Variants in EXPH5 observed in about 807,000 individuals in gnomAD.
EXPH5 encodes the protein exophilin 5.
In EXPH5, 42 loss-of-function variants were observed where a neutral mutation model predicts 41.1. The observed-to-expected ratio is 1.02, with a 90% CI of 0.80 to 1.32. The LOEUF (loss-of-function observed/expected upper bound fraction) is 1.32, where lower values mean the gene tolerates loss of function less well. Ranked by LOEUF, EXPH5 falls within the 40% of genes most tolerant of loss-of-function variation. EXPH5 has a pLI of 0.00. For missense variants in EXPH5, 2,298 were observed against 2,314.5 expected (o/e 0.99, Z 0.15); for synonymous variants, 798 against 833.5 (o/e 0.96, Z 0.73).
At chr11:108,530,982 G>C (rs891957298) in intron 3 of EXPH5, among the ~76,000 whole-genome samples, 8 of 152,186 alleles carry the variant, frequency 5.3e-5, no homozygotes, top group African/African-American at 1.9e-4. Flanking sequence ...TTTCCACTTA[G>C]AGAGTGAATA....
rs758207352 is a variant in EXPH5 at position 108,518,295 on chromosome 11, C to G, written c.571G>C (p.Glu191Gln). Reference sequence around the variant, plus strand: ...CACGGTGGAGGCATGCCACTCTCCTCCCTCATGACTGCTGGCTTTGGGACA... The same window carrying G: ...CACGGTGGAGGCATGCCACTCTCCTGCCTCATGACTGCTGGCTTTGGGACA... ...TFVPKPAVMR[E>Q]ESGMPPPWDA... The change falls in exon 5 of 6, where the codon GAG (glutamate) becomes CAG (glutamine). Residue 191 changes from glutamate to glutamine, a missense_variant. Coordinates refer to ENST00000265843, the MANE Select transcript of EXPH5 (RefSeq NM_015065.3). 2.5e-6 allele frequency: 4 copies of G among 1,613,854 alleles called. No individual in the cohort carries two copies. The highest frequency in any genetic ancestry group is 2.5e-6 in the Non-Finnish European group (3 of 1,179,784).
In EXPH5 at chr11:108,510,952, G is replaced by A. The variant is rs916651272; in HGVS notation, c.4555C>T (p.Leu1519Phe). ...TCATCTGACTGAGTCTCCTCACCAA[G>A]CTGTAGTTTATGCAATGCTGGAGTA... ...ALTPALHKLQ[L>F]GEETQSDEPN... Residue 1519 changes from leucine to phenylalanine, a missense_variant, in exon 6 of 6, where the codon CTT (leucine) becomes TTT (phenylalanine). Coordinates refer to ENST00000265843, the MANE Select transcript of EXPH5 (RefSeq NM_015065.3). The A allele has an allele frequency of 6.2e-7, 1 of 1,613,964 alleles. No individual in the cohort carries two copies. The highest frequency in any genetic ancestry group is 1.3e-5 in the African/African-American group (1 of 74,932).
chr11:108,528,326 T>G lies in EXPH5; in HGVS notation c.444-142A>C, dbSNP rs1242310234. ...TCACTGTAGAAAGATGTTTCTTCGT[T>G]AGTGCATTATTGAAAAAAATTAGAA... On this transcript the variant is annotated intron_variant, in intron 3 of 5. Transcript: ENST00000265843. 6 of 587,874 alleles carry G rather than the reference T, an allele frequency of 1.0e-5. No individual in the cohort carries two copies. The East Asian group carries it at 1.7e-4, about 17-fold the overall frequency. 36.4% of individuals were successfully genotyped at this position (587,874 alleles called of 1,614,324 possible). A position where few individuals can be genotyped will look rare whatever the true frequency, so the allele number is the denominator to read the frequency against.
At chr11:108,564,671 T>C (rs2094026993) in intron 1 of EXPH5, among the ~76,000 whole-genome samples, 1 of 152,210 alleles carries the variant, frequency 6.6e-6, no homozygotes, top group Admixed American at 6.5e-5. Context: ...ATGAACATGT[T>C]TTAATGACTT....
At chr11:108,567,193 A>G (rs2094038312) in intron 1 of EXPH5, among the ~76,000 whole-genome samples, 1 of 152,248 alleles carries the variant, frequency 6.6e-6, no homozygotes. Context: ...AAATCTGACA[A>G]GCCAGAGTTT....
At chr11:108,521,595 TCAAA>T (rs954928871) in intron 4 of EXPH5, among the ~76,000 whole-genome samples, 2 of 152,186 alleles carry the variant, frequency 1.3e-5, no homozygotes, top group African/African-American at 4.8e-5. Flanking sequence ...TAATAAAACC[TCAAA>T]CTAATCATTT....
the EXPH5 span, among the ~76,000 whole-genome samples, chr11:108,605,524 A>C: frequency 3.9e-5 from 6 of 152,210 alleles, no homozygotes; most frequent in South Asian, 1.2e-3. Flanking sequence ...GGTAGAGGGC[A>C]GAGATGCGGC....
At chr11:108,589,641 C>T (rs750846846) in intron 1 of EXPH5, among the ~76,000 whole-genome samples, 13 of 152,136 alleles carry the variant, frequency 8.5e-5, no homozygotes, top group Non-Finnish European at 1.8e-4. Context: ...CTATCTCTGA[C>T]GTTTATGAGC....
chr11:108,593,780 GGA>G, upstream of EXPH5: 1 of 1,534,200 alleles, frequency 6.5e-7, no homozygotes, highest in Non-Finnish European at 8.7e-7. Context: ...ACGGCTAAAG[GGA>G]GAGAGGGAAC....
chr11:108,519,544 C>T (rs774823543), intron 4 of EXPH5, among the ~76,000 whole-genome samples: 50 of 152,020 alleles, frequency 3.3e-4, no homozygotes, highest in African/African-American at 1.2e-3. Flanking sequence ...GCCAGGAGTT[C>T]GAAACCAGCC....
intron 1 of EXPH5, among the ~76,000 whole-genome samples, chr11:108,572,874 C>G (rs1401259172): frequency 6.6e-6 from 1 of 151,938 alleles, no homozygotes; most frequent in Non-Finnish European, 1.5e-5. Flanking sequence ...TCTAGTAATA[C>G]TGTTAGTCAT....
At chr11:108,547,478 G>A (rs1565814297) in intron 1 of EXPH5, among the ~76,000 whole-genome samples, 1 of 152,110 alleles carries the variant, frequency 6.6e-6, no homozygotes, top group Non-Finnish European at 1.5e-5. Context: ...GCCTCCCAAA[G>A]TGCTGGGATT....
chr11:108,581,815 G>A (rs888375516), intron 1 of EXPH5, among the ~76,000 whole-genome samples: 2 of 151,798 alleles, frequency 1.3e-5, no homozygotes, highest in Non-Finnish European at 2.9e-5. Flanking sequence ...TGAAAGAGGG[G>A]CTATTCCTAC....
chr11:108,589,375 G>T (rs1341720452), intron 1 of EXPH5, among the ~76,000 whole-genome samples: 11 of 152,162 alleles, frequency 7.2e-5, no homozygotes, highest in East Asian at 1.9e-4. Flanking sequence ...TTTAACCTCT[G>T]CCGGATGTGG....
At position 108,514,884 on chromosome 11, in the gene EXPH5, A is replaced by T; in HGVS notation, c.632-9T>A. 2 of 1,415,114 alleles carry T rather than the reference A, an allele frequency of 1.4e-6. No individual in the cohort carries two copies. The highest frequency in any genetic ancestry group is 1.8e-6 in the Non-Finnish European group (2 of 1,081,592). The allele number at this position is 1,415,114 out of a possible 1,614,324, so 87.7% of individuals were successfully genotyped here. A position where few individuals can be genotyped will look rare whatever the true frequency, so the allele number is the denominator to read the frequency against. On this transcript the variant is annotated splice_polypyrimidine_tract_variant and intron_variant, in intron 5 of 5. Coordinates refer to ENST00000265843, the MANE Select transcript of EXPH5 (RefSeq NM_015065.3). ...ATCCAAGTCATCTAAAACTGAAAAG[A>T]GAATGTGAATCAACCTTTTTCTGTA...
chr11:108,509,052 G>C lies in EXPH5; in HGVS notation c.*485C>G, dbSNP rs2093659645. 2 of 152,476 alleles carry C rather than the reference G, an allele frequency of 1.3e-5. No individual in the cohort carries two copies. The highest frequency in any genetic ancestry group is 4.8e-5 in the African/African-American group (2 of 41,402). 9.4% of individuals were successfully genotyped at this position (152,476 alleles called of 1,614,324 possible). ...TTCCTAAATGTTCATGAGTCAAACA[G>C]GATGATAATATTTACCCCACTGTTA... is the stretch of plus-strand genomic sequence containing the variant. On this transcript the variant is annotated 3_prime_UTR_variant, in exon 6 of 6. Coordinates refer to ENST00000265843, the MANE Select transcript of EXPH5 (RefSeq NM_015065.3).
chr11:108,539,841 G>T (rs1299378677), intron 2 of EXPH5, among the ~76,000 whole-genome samples: 2 of 152,092 alleles, frequency 1.3e-5, no homozygotes, highest in Non-Finnish European at 2.9e-5. Context: ...TTTTGGATTT[G>T]GGATGCTCAA....
At position 108,510,415 on chromosome 11, in the gene EXPH5, G is replaced by A. The variant is rs755280942; in HGVS notation, c.5092C>T (p.Arg1698Ter). The A allele has an allele frequency of 2.5e-6, 4 of 1,613,980 alleles. No individual in the cohort carries two copies. The highest frequency in any genetic ancestry group is 1.1e-5 in the South Asian group (1 of 91,066). ...SNQKSNSISQRHQNEFKNVSE... is the reference protein window; with the variant it reads ...SNQKSNSISQ ...ACGTTTTTAAACTCATTCTGATGTC[G>A]TTGTGAAATGCTGTTAGACTTCTGG... Residue 1698 changes from arginine (R) to a stop codon, truncating the protein, a stop_gained, in exon 6 of 6, where the codon CGA becomes TGA. Coordinates refer to ENST00000265843, the MANE Select transcript of EXPH5 (RefSeq NM_015065.3). LOFTEE classifies it low-confidence loss of function (END_TRUNC).
intron 1 of EXPH5, among the ~76,000 whole-genome samples, chr11:108,590,477 C>T (rs915263850): frequency 6.6e-5 from 10 of 151,996 alleles, no homozygotes; most frequent in African/African-American, 2.4e-4. Flanking sequence ...AAGTTGGAGC[C>T]AGAGAGGTCT....
Sources: gnomAD v4.1 joint callset for allele counts (sites outside exome capture counted in the v4.1 genomes callset) on GRCh38, gnomAD v4.1.1 for gene constraint, MANE v1.5 for transcripts, NCBI Gene and HGNC (gene_info 2026-07-23, HGNC 2026-07-21) for gene names.